Variants in ADGRL2 observed in about 807,000 individuals in gnomAD.
ADGRL2 encodes calcium-independent alpha-latrotoxin receptor 2.
ADGRL2 carries 44 observed loss-of-function variants against 157.4 expected under a neutral mutation model. The observed-to-expected ratio is 0.28, with a 90% confidence interval of 0.22 to 0.36. The LOEUF (loss-of-function observed/expected upper bound fraction) is 0.36, where lower values mean the gene tolerates loss of function less well. ADGRL2 is among the 10% of genes least tolerant of loss of function. The probability of loss-of-function intolerance (pLI) is 1.00; values close to 1 mark genes in which losing one functional copy is unlikely to be tolerated. For missense variants in ADGRL2, 1,510 were observed against 1,768.9 expected, an observed-to-expected ratio of 0.85 and a Z score of 2.63; for synonymous variants, 585 against 624.7, an observed-to-expected ratio of 0.94 and a Z score of 0.95.
At chr1:81,621,087 C>T (rs887981509) in intron 3 of ADGRL2, among the ~76,000 whole-genome samples, 1 of 152,080 alleles carries the variant, frequency 6.6e-6, no homozygotes, top group Admixed American at 6.6e-5. Flanking sequence ...TGGCTGTGTC[C>T]TTTTGTAGGT....
chr1:81,779,689 C>T (rs902850629), intron 2 of ADGRL2, among the ~76,000 whole-genome samples: 1 of 152,158 alleles, frequency 6.6e-6, no homozygotes, highest in South Asian at 2.1e-4. Context: ...TAGTTTCCTC[C>T]CCATTTTCTT....
chr1:81,488,735 G>A (rs1352139437), intron 2 of ADGRL2, among the ~76,000 whole-genome samples: 3 of 151,326 alleles, frequency 2.0e-5, no homozygotes, highest in Non-Finnish European at 2.9e-5. Context: ...TCCAGTTTTC[G>A]ATTAAAAAAA....
intron 1 of ADGRL2, among the ~76,000 whole-genome samples, chr1:81,749,356 G>GA (rs2085415405): frequency 6.6e-6 from 1 of 152,070 alleles, no homozygotes; most frequent in African/African-American, 2.4e-5. Flanking sequence ...CTGATGACAT[G>GA]AAAAAACTAA....
chr1:81,803,793 C>G lies in ADGRL2; in HGVS notation c.-101+2725C>G, dbSNP rs557322129. ...TCTTTGATTTTATTCTGCATTCTTT[C>G]AGTACGTGCACTTCTCTTCCCCTTT... On this transcript the variant is annotated intron_variant, in intron 1 of 23. Coordinates refer to ENST00000686636, the MANE Select transcript of ADGRL2 (RefSeq NM_001366006.2). Among the ~76,000 whole-genome samples the G allele has an allele frequency of 2.0e-5, 3 of 152,274 alleles. No individual in the cohort carries two copies. In the South Asian group the frequency reaches 6.2e-4, roughly 32 times the overall value.
At position 81,953,097 on chromosome 1, in the gene ADGRL2, A is replaced by G. The variant is rs1207929529; in HGVS notation, c.1833+72A>G. 4.0e-6 allele frequency: 5 copies of G among 1,255,078 alleles called. No individual in the cohort carries two copies. In the African/African-American group the frequency reaches 4.4e-5, roughly 11 times the overall value. The allele number at this position is 1,255,078 out of a possible 1,614,324, so 77.7% of individuals were successfully genotyped here. On this transcript the variant is annotated intron_variant, in intron 10 of 23. Transcript: ENST00000686636. The stretch of plus-strand genomic sequence containing the variant: ...CTGCCACGCTTTATCATCTTGCTGC[A>G]TGATCCAATGTATTTCAGTCTTTGA...
At chr1:81,786,960 GT>G (rs1398521413) in intron 2 of ADGRL2, among the ~76,000 whole-genome samples, 6 of 152,266 alleles carry the variant, frequency 3.9e-5, no homozygotes, top group African/African-American at 1.4e-4. Context: ...GAGGGACCCG[GT>G]AGGAGATAAT....
intron 3 of ADGRL2, among the ~76,000 whole-genome samples, chr1:81,632,201 C>T (rs574978519): frequency 1.2e-3 from 187 of 152,158 alleles, no homozygotes; most frequent in African/African-American, 4.4e-3. Flanking sequence ...ATGAGAGAGA[C>T]GACTACAAAG....
intron 1 of ADGRL2, among the ~76,000 whole-genome samples, chr1:81,348,006 C>T (rs915241613): frequency 6.6e-6 from 1 of 152,194 alleles, no homozygotes; most frequent in African/African-American, 2.4e-5. Context: ...GCATGTCACT[C>T]CCACCACAGG....
intron 11 of ADGRL2, among the ~76,000 whole-genome samples, chr1:81,962,606 T>C (rs1320741933): frequency 6.6e-6 from 1 of 152,200 alleles, no homozygotes; most frequent in Non-Finnish European, 1.5e-5. Flanking sequence ...ATAAGGATCT[T>C]ATACTTCCCT....
intron 1 of ADGRL2, among the ~76,000 whole-genome samples, chr1:81,398,533 C>T (rs1007569842): frequency 6.6e-6 from 1 of 151,988 alleles, no homozygotes; most frequent in Admixed American, 6.6e-5. Flanking sequence ...TTTTTCCTCC[C>T]ATATGTAGGA....
At chr1:81,918,527 G>A (rs1333235403) in intron 3 of ADGRL2, among the ~76,000 whole-genome samples, 4 of 152,100 alleles carry the variant, frequency 2.6e-5, no homozygotes, top group Admixed American at 6.6e-5. Context: ...AATTACCAAT[G>A]TACCATACTT....
chr1:81,803,020 C>G (rs1038214562), intron 1 of ADGRL2, among the ~76,000 whole-genome samples: 1 of 152,028 alleles, frequency 6.6e-6, no homozygotes, highest in South Asian at 2.1e-4. Context: ...GAGAGCCTCC[C>G]GGAGCCGCAG....
chr1:81,817,820 A>G (rs1334899990), intron 1 of ADGRL2, among the ~76,000 whole-genome samples: 2 of 151,944 alleles, frequency 1.3e-5, no homozygotes, highest in Non-Finnish European at 2.9e-5. Flanking sequence ...TCTCACTCCT[A>G]GTTTATTACT....
intron 1 of ADGRL2, among the ~76,000 whole-genome samples, chr1:81,817,067 C>T (rs1420294089): frequency 6.6e-6 from 1 of 151,354 alleles, no homozygotes; most frequent in African/African-American, 2.4e-5. Context: ...GAACGTTATA[C>T]CCTCTAAGTA....
chr1:81,901,669 G>A (rs1003572503), intron 2 of ADGRL2, among the ~76,000 whole-genome samples: 2 of 151,822 alleles, frequency 1.3e-5, no homozygotes, highest in African/African-American at 4.8e-5. Flanking sequence ...ATGTTTTCAG[G>A]AATGGGTTTT....
chr1:81,710,166 T>G (rs1317510288), intron 1 of ADGRL2, among the ~76,000 whole-genome samples: 2 of 152,218 alleles, frequency 1.3e-5, no homozygotes, highest in African/African-American at 4.8e-5. Flanking sequence ...TAGGCAATAT[T>G]CACTTACTCA....
At chr1:81,445,903 T>C (rs2077589018) in intron 2 of ADGRL2, among the ~76,000 whole-genome samples, 1 of 152,194 alleles carries the variant, frequency 6.6e-6, no homozygotes, top group South Asian at 2.1e-4. Flanking sequence ...TGGCACCTAG[T>C]AAGCACTAAA....
chr1:81,800,768 G>C (rs368084170), upstream of ADGRL2, among the ~76,000 whole-genome samples: 12 of 151,708 alleles, frequency 7.9e-5, no homozygotes, highest in East Asian at 2.2e-3. Context: ...CGCAGTGAGT[G>C]GAGTTTGGGG....
chr1:81,350,970 A>AATGC (rs1392343107), intron 1 of ADGRL2, among the ~76,000 whole-genome samples: 1 of 152,186 alleles, frequency 6.6e-6, no homozygotes. Context: ...TTCATGAATA[A>AATGC]ATGCAAACTT....
Sources: allele counts gnomAD v4.1 joint callset (sites outside exome capture counted in the v4.1 genomes callset), GRCh38; gene constraint gnomAD v4.1.1; transcripts MANE v1.5; gene names NCBI Gene and HGNC (gene_info 2026-07-23, HGNC 2026-07-21).